APOL5: variants seen among roughly 807,000 people sequenced by gnomAD.
APOL5 encodes the protein apolipoprotein L5, also known as apolipoprotein L, 5.
APOL5 carries 29 observed loss-of-function variants against 35.5 expected under a neutral mutation model. That is an observed-to-expected ratio of 0.82 (90% confidence interval 0.61 to 1.11). The LOEUF is 1.11. APOL5 is among the 50% of genes most tolerant of loss of function. The pLI, the probability that APOL5 is intolerant of heterozygous loss-of-function variation, is 0.00. For missense variants in APOL5, 514 were observed against 530.4 expected (o/e 0.97, Z 0.30); for synonymous variants, 188 against 200.2 (o/e 0.94, Z 0.51).
At chr22:35,716,153 A>G (rs1926737352), upstream of APOL5, among the ~76,000 whole-genome samples, 5 of 152,228 alleles carry the variant, frequency 3.3e-5, no homozygotes, top group South Asian at 1.0e-3. Context: ...AATTTGTCAG[A>G]TTTTGTCTTA....
Position 35,726,728 on chromosome 22 carries a change from G to T in APOL5, c.660G>T (p.Trp220Cys). 6.2e-7 allele frequency: 1 copy of T among 1,614,210 alleles called. No individual in the cohort carries two copies. Among genetic ancestry groups the T allele is most frequent in the East Asian group, 2.2e-5 (1 of 44,894 alleles). Residue 220 changes from tryptophan (W) to cysteine (C), a missense_variant, in exon 3 of 5, where the codon TGG becomes TGT. By Grantham distance (215) the Trp-to-Cys change is radical. Coordinates refer to ENST00000249044, the MANE Select transcript of APOL5 (RefSeq NM_030642.1). ...ATGAGGCTTTCGGAGGAATAAATTG[G>T]TCTGAAATCGAGGCTGCTGGCTTTT... ...TSHEAFGGINWSEIEAAGFCV... is the reference protein window; with the variant it reads ...TSHEAFGGINCSEIEAAGFCV...
In APOL5 at chr22:35,728,595, C is replaced by T. The variant is rs764329093; in HGVS notation, c.1127-128C>T. The T allele has an allele frequency of 6.7e-6, 7 of 1,041,080 alleles. No homozygotes were observed. In the East Asian group the frequency reaches 8.9e-5, roughly 13 times the overall value. The allele number at this position is 1,041,080 out of a possible 1,614,324, so 64.5% of individuals were successfully genotyped here. A position where few individuals can be genotyped will look rare whatever the true frequency, so the allele number is the denominator to read the frequency against. On this transcript the variant is annotated intron_variant, in intron 3 of 4. Transcript: ENST00000249044. ...AAGTTTGGGACCCACTGCCCTGGGG[C>T]GGGAGGGGTTTTCTTCTTCTCAAAG...
chr22:35,711,598 T>TTTTCCTTCCTTCCTTCCTTCCTTCCTTC, the APOL5 span, among the ~76,000 whole-genome samples: 1,235 of 95,590 alleles, frequency 0.013, 201 homozygotes, highest in Middle Eastern at 0.029. Context: ...TTCACCATGT[T>TTTTCCTTCCTTCCTTCCTTCCTTCCTTC]TTTCCTTCCT....
chr22:35,722,660 T>C (rs762089722), intron 2 of APOL5, among the ~76,000 whole-genome samples: 2 of 152,156 alleles, frequency 1.3e-5, no homozygotes, highest in Non-Finnish European at 2.9e-5. Flanking sequence ...GTCCCTCCTT[T>C]TTGGAGCTGG....
chr22:35,711,611 C>CTTCCTTCCTTCCTTCT, the APOL5 span, among the ~76,000 whole-genome samples: 442 of 139,904 alleles, frequency 3.2e-3, 13 homozygotes, highest in African/African-American at 8.0e-3. Context: ...TCCTTCCTTC[C>CTTCCTTCCTTCCTTCT]TTCCTTCCTT....
At chr22:35,712,299 A>T in the APOL5 span, among the ~76,000 whole-genome samples, 562 of 152,168 alleles carry the variant, frequency 3.7e-3, 1 homozygote, top group African/African-American at 0.013. Context: ...ATGAGCCACC[A>T]CACCCGGCTC....
rs1370176898 is a variant in APOL5, at chr22:35,717,937, T to A, written c.55+11T>A. 37 of 1,557,806 alleles carry A rather than the reference T, an allele frequency of 2.4e-5. No individual in the cohort carries two copies. Among genetic ancestry groups the A allele is most frequent in the Non-Finnish European group, 3.0e-5 (35 of 1,152,926 alleles). On this transcript the variant is annotated intron_variant, in intron 1 of 4. Coordinates refer to ENST00000249044, the MANE Select transcript of APOL5 (RefSeq NM_030642.1). ...CCAAGGTGTTACCTGGTAAGTTCTTTTAAGCTTTCAGAAAACAAGCAATTC... is the reference window on the plus strand; with the variant it reads ...CCAAGGTGTTACCTGGTAAGTTCTTATAAGCTTTCAGAAAACAAGCAATTC...
At chr22:35,727,709 T>C (rs900851371) in intron 3 of APOL5, among the ~76,000 whole-genome samples, 2 of 152,188 alleles carry the variant, frequency 1.3e-5, no homozygotes, top group Non-Finnish European at 2.9e-5. Context: ...CACCTAGCAG[T>C]GCTTGGCACA....
intron 2 of APOL5, among the ~76,000 whole-genome samples, chr22:35,723,529 T>C (rs768714035): frequency 6.6e-6 from 1 of 152,142 alleles, no homozygotes; most frequent in Non-Finnish European, 1.5e-5. Context: ...AAAGTTTGAG[T>C]GGAGAGGATT....
intron 2 of APOL5, among the ~76,000 whole-genome samples, chr22:35,725,991 A>C (rs1927139404): frequency 6.6e-6 from 1 of 152,236 alleles, no homozygotes; most frequent in Non-Finnish European, 1.5e-5. Context: ...ACTATAAACT[A>C]AGTTCTTCCC....
chr22:35,728,670 G>T, intron 3 of APOL5, 53 bp from the exon 4 acceptor site: 1 of 1,578,712 alleles, frequency 6.3e-7, no homozygotes, highest in South Asian at 1.2e-5. Flanking sequence ...TGAACGTCCA[G>T]GGGCAGATCT....
At chr22:35,724,286 C>CAA (rs111417764) in intron 2 of APOL5, among the ~76,000 whole-genome samples, 3,754 of 111,142 alleles carry the variant, frequency 0.034, 67 homozygotes, top group Middle Eastern at 0.11. Context: ...AGCCCTGTCT[C>CAA]AAAAAAAAAA....
chr22:35,711,839 T>C, the APOL5 span, among the ~76,000 whole-genome samples: 9 of 151,286 alleles, frequency 5.9e-5, no homozygotes, highest in Non-Finnish European at 1.0e-4. Flanking sequence ...CCACACCTGG[T>C]TAATTTTTGT....
At chr22:35,720,917 T>C (rs1926952148) in intron 2 of APOL5, among the ~76,000 whole-genome samples, 1 of 152,142 alleles carries the variant, frequency 6.6e-6, no homozygotes, top group African/African-American at 2.4e-5. Context: ...GGCTAATTTT[T>C]ATATTTTTTG....
chr22:35,714,085 G>A (rs1970778), upstream of APOL5, among the ~76,000 whole-genome samples: 40,763 of 152,016 alleles, frequency 0.27, 5,939 homozygotes, highest in Non-Finnish European at 0.34. Flanking sequence ...GTCAAGGCAG[G>A]TGGATCACTT....
Position 35,718,135 on chromosome 22 carries a change from TTGTAAAGTTTAACTAAAAA to T in APOL5, c.55+229_55+247del, listed in dbSNP as rs542452447. Reference sequence around the variant, plus strand: ...AAAATACTACATCAAATAACTTCCTTTGTAAAGTTTAACTAAAAATGTAAAGTTTAACTAAAAACATAAG... The same window carrying T: ...AAAATACTACATCAAATAACTTCCTTTGTAAAGTTTAACTAAAAACATAAG... On this transcript the variant is annotated intron_variant, in intron 1 of 4. Transcript: ENST00000249044. 1.4e-4 allele frequency among the ~76,000 whole-genome samples: 22 copies of T among 152,330 alleles called. No individual in the cohort carries two copies. The South Asian group carries it at 4.6e-3, about 32-fold the overall frequency.
At chr22:35,724,286 CAAAA>C (rs111417764) in intron 2 of APOL5, among the ~76,000 whole-genome samples, 2 of 111,206 alleles carry the variant, frequency 1.8e-5, no homozygotes, top group Non-Finnish European at 3.8e-5. Context: ...AGCCCTGTCT[CAAAA>C]AAAAAAAAAA....
rs763071253 is a variant in APOL5 at position 35,720,634 on chromosome 22, A to G, written c.122A>G (p.Lys41Arg). ...ATCTACGGAGGTGAGGTCTGGGGGA[A>G]GTCCCCAGAACCTGAGTTCCGTGAG... Reference protein sequence around the residue: ...KVIYGGEVWGKSPEPEFPSLV... With the variant: ...KVIYGGEVWGRSPEPEFPSLV... The change falls in exon 2 of 5, where the codon AAG becomes AGG. Residue 41 changes from lysine (K) to arginine (R), a missense_variant. By Grantham distance (26) the Lys-to-Arg change is conservative (BLOSUM62 2). Around this residue, in one of 3 missense-constraint regions of APOL5, gnomAD observed 254 missense variants for 254.7 expected, o/e 1.00. Transcript: ENST00000249044. The G allele has an allele frequency of 9.3e-6, 15 of 1,613,580 alleles. No homozygotes were observed. The highest frequency in any genetic ancestry group is 1.6e-4 in the Middle Eastern group (1 of 6,084).
At chr22:35,725,702 G>T (rs1927127770) in intron 2 of APOL5, among the ~76,000 whole-genome samples, 1 of 152,136 alleles carries the variant, frequency 6.6e-6, no homozygotes, top group South Asian at 2.1e-4. Context: ...CACAAGACCA[G>T]ATGAGCCAGT....
Sources: allele counts gnomAD v4.1 joint callset (sites outside exome capture counted in the v4.1 genomes callset), GRCh38; gene constraint gnomAD v4.1.1; regional missense constraint gnomAD v4.1.1; transcripts MANE v1.5; gene names NCBI Gene and HGNC (gene_info 2026-07-23, HGNC 2026-07-21).